The following CR1 variants were observed in gnomAD, a reference collection of about 807,000 sequenced individuals.
The protein encoded by CR1 is complement C3b/C4b receptor 1 (Knops blood group), also known as complement receptor type 1.
Under a neutral mutation model 187.3 loss-of-function variants are expected in CR1, and 116 were observed. That is an observed-to-expected ratio of 0.62 (90% CI 0.53 to 0.72). The LOEUF (loss-of-function observed/expected upper bound fraction) is 0.72, where lower values mean the gene tolerates loss of function less well. Among genes scored for constraint, CR1 ranks in the 30% least tolerant of loss-of-function variants. CR1 has a pLI of 0.00. For missense variants in CR1, 1,731 were observed against 2,110.7 expected (o/e 0.82, Z 3.52); for synonymous variants, 576 against 747.1 (o/e 0.77, Z 3.73).
At chr1:207,515,305 TATATATATATACAC>T (rs1392824662) in intron 4 of CR1, among the ~76,000 whole-genome samples, 5 of 147,914 alleles carry the variant, frequency 3.4e-5, no homozygotes, top group Admixed American at 6.8e-5. Flanking sequence ...ATATACACAC[TATATATATATACAC>T]ATATATATAG....
intron 27 of CR1, among the ~76,000 whole-genome samples, chr1:207,575,232 C>CAG (rs1491413541): frequency 6.1e-4 from 88 of 143,428 alleles, no homozygotes; most frequent in African/African-American, 2.3e-3. Context: ...CACACACACA[C>CAG]AAATTAAGTG....
At chr1:207,614,111 G>T (rs1409002781) in intron 39 of CR1, among the ~76,000 whole-genome samples, 2 of 152,294 alleles carry the variant, frequency 1.3e-5, no homozygotes, top group Middle Eastern at 3.4e-3. Flanking sequence ...CATGCCTTCT[G>T]TAGGTGATGC....
At chr1:207,500,855 AAAC>A (rs1358982519) in intron 1 of CR1, among the ~76,000 whole-genome samples, 4 of 152,358 alleles carry the variant, frequency 2.6e-5, no homozygotes, top group Admixed American at 2.6e-4. Context: ...CAACACGTGG[AAAC>A]AATCCAAATG....
chr1:207,613,743 T>A (rs1010127511), intron 39 of CR1, among the ~76,000 whole-genome samples: 6 of 152,172 alleles, frequency 3.9e-5, no homozygotes, highest in African/African-American at 7.2e-5. Context: ...ATTTACAAAG[T>A]CCACCACCTA....
chr1:207,500,313 T>C (rs1183651147), intron 1 of CR1, among the ~76,000 whole-genome samples: 1 of 152,244 alleles, frequency 6.6e-6, no homozygotes, highest in Non-Finnish European at 1.5e-5. Context: ...TAAATTTATA[T>C]ATTTGAAAGG....
chr1:207,579,294 G>A (rs1292827447), intron 29 of CR1, among the ~76,000 whole-genome samples: 1 of 152,150 alleles, frequency 6.6e-6, no homozygotes, highest in Non-Finnish European at 1.5e-5. Flanking sequence ...TTGATACATA[G>A]GGACAGAGAA....
At chr1:207,592,909 G>A (rs1025427886) in intron 35 of CR1, among the ~76,000 whole-genome samples, 2 of 151,908 alleles carry the variant, frequency 1.3e-5, no homozygotes, top group Admixed American at 1.3e-4. Flanking sequence ...CATCTTCAAG[G>A]AGAACTACAA....
chr1:207,616,842 T>A (rs1243011906), intron 41 of CR1, 40 bp downstream of exon 41: 1 of 1,601,566 alleles, frequency 6.2e-7, no homozygotes, highest in Non-Finnish European at 8.5e-7. Flanking sequence ...GGGTTCAGAA[T>A]ATCTAGGTAA....
At chr1:207,609,156 T>C (rs1420902521) in intron 36 of CR1, 134 bp from the exon 37 acceptor site, 2 of 951,160 alleles carry the variant, frequency 2.1e-6, no homozygotes, top group South Asian at 2.2e-5. Flanking sequence ...TATTAGCAAA[T>C]ATTTTAAGAA....
intron 27 of CR1, among the ~76,000 whole-genome samples, chr1:207,574,081 C>A (rs1364148762): frequency 6.6e-6 from 1 of 152,152 alleles, no homozygotes; most frequent in Non-Finnish European, 1.5e-5. Flanking sequence ...TTCAGTGAGC[C>A]TTGATGGCAA....
intron 31 of CR1, 123 bp downstream of exon 31, chr1:207,580,736 A>C (rs1660911057): frequency 1.1e-6 from 1 of 886,108 alleles, no homozygotes; most frequent in Non-Finnish European, 1.8e-6. Flanking sequence ...TAACCTCTGG[A>C]AGTGTAGCTT....
At position 207,609,758 on chromosome 1, in the gene CR1, A is replaced by G. The variant is rs1661867178; in HGVS notation, c.6295+70A>G. The G allele has an allele frequency of 6.3e-6, 9 of 1,434,652 alleles. No individual in the cohort carries two copies. The South Asian group carries it at 7.7e-5, about 12-fold the overall frequency. The allele number at this position is 1,434,652 out of a possible 1,614,324, so 88.9% of individuals were successfully genotyped here. On this transcript the variant is annotated intron_variant, in intron 37 of 46. Transcript: ENST00000367049. Reference sequence around the variant, plus strand: ...TAGATGATAGGAGTTGTTGAAATTAAGGAAGAAGTGTATAAGGACTATGAA... The same window carrying G: ...TAGATGATAGGAGTTGTTGAAATTAGGGAAGAAGTGTATAAGGACTATGAA...
chr1:207,584,823 G>T lies in CR1; in HGVS notation c.5477G>T (p.Gly1826Val). The T allele has an allele frequency of 6.2e-7, 1 of 1,613,902 alleles. No homozygotes were observed. The highest frequency in any genetic ancestry group is 1.1e-5 in the South Asian group (1 of 91,070). Residue 1826 changes from glycine (G) to valine (V), a missense_variant, in exon 33 of 47, where the codon GGG (glycine) becomes GTG (valine). By Grantham distance (109) the Gly-to-Val change is moderately radical (BLOSUM62 -3). This residue lies in a region of CR1 where 1,312 missense variants were observed against 1,379.6 expected (regional missense o/e 0.95). Coordinates refer to ENST00000367049, the MANE Select transcript of CR1 (RefSeq NM_000651.6). ...STIRCTSDPH[G>V]NGVWSSPAPR... The stretch of plus-strand genomic sequence containing the variant: ...ATCCGCTGCACAAGTGACCCTCATG[G>T]GAATGGGGTTTGGAGCAGCCCTGCC...
Position 207,607,240 on chromosome 1 carries a change from CT to C in CR1, c.5811-8del. The C allele has an allele frequency of 1.2e-6, 2 of 1,605,818 alleles. No individual in the cohort carries two copies. Among genetic ancestry groups the C allele is most frequent in the Non-Finnish European group, 1.7e-6 (2 of 1,172,612 alleles). On this transcript the variant is annotated splice_polypyrimidine_tract_variant and intron_variant, in intron 35 of 46. Coordinates refer to ENST00000367049, the MANE Select transcript of CR1 (RefSeq NM_000651.6). ...GTGTAGCGTATAACCATTTTCTATC[CT>C]TTGCTTTAGGTTTCGACTCATTGGT...
rs771362085 is a variant in CR1, at chr1:207,567,835, C to A, written c.3964C>A (p.Pro1322Thr). The A allele has an allele frequency of 2.5e-5, 41 of 1,610,902 alleles. No homozygotes were observed. Among genetic ancestry groups the A allele is most frequent in the Non-Finnish European group, 3.4e-6 (4 of 1,179,650 alleles). ...SVPVCEQIFC[P>T]SPPVIPNGRH... ...TGTATGTTTTCTAGAAATCTTTTGT[C>A]CAAGTCCTCCAGTTATTCCTAATGG... The change falls in exon 25 of 47, where the codon CCA becomes ACA. Residue 1322 changes from proline to threonine, a missense_variant. This residue lies in a region of CR1 where 1,312 missense variants were observed against 1,379.6 expected (regional missense o/e 0.95). Coordinates refer to ENST00000367049, the MANE Select transcript of CR1 (RefSeq NM_000651.6).
chr1:207,633,214 T>G (rs1356567844), intron 46 of CR1, among the ~76,000 whole-genome samples: 1 of 152,156 alleles, frequency 6.6e-6, no homozygotes, highest in Non-Finnish European at 1.5e-5. Flanking sequence ...AAATGATATC[T>G]CTCTTTGAAA....
intron 30 of CR1, 24 bp downstream of exon 30, chr1:207,580,440 G>C: frequency 1.2e-6 from 2 of 1,610,576 alleles, no homozygotes; most frequent in Non-Finnish European, 1.7e-6. Flanking sequence ...CTGGCTTCCA[G>C]ATTTCTCTCT....
chr1:207,515,222 T>C (rs1487740062), intron 4 of CR1, among the ~76,000 whole-genome samples: 1 of 146,456 alleles, frequency 6.8e-6, no homozygotes. Context: ...TATATACATA[T>C]ATATACGTAT....
At chr1:207,584,012 T>C (rs1661036141) in intron 32 of CR1, among the ~76,000 whole-genome samples, 1 of 152,040 alleles carries the variant, frequency 6.6e-6, no homozygotes, top group Non-Finnish European at 1.5e-5. Flanking sequence ...AATAAATAAA[T>C]AAACCCTTAA....
Sources: allele counts gnomAD v4.1 joint callset (sites outside exome capture counted in the v4.1 genomes callset), GRCh38; gene constraint gnomAD v4.1.1; regional missense constraint gnomAD v4.1.1; transcripts MANE v1.5; gene names NCBI Gene and HGNC (gene_info 2026-07-23, HGNC 2026-07-21).